The following DLG2 variants were observed in gnomAD, a reference collection of about 807,000 sequenced individuals.
DLG2 encodes disks large homolog 2.
A neutral mutation model predicts 132.5 loss-of-function variants in DLG2; 45 were observed. That is an observed-to-expected ratio of 0.34 (90% CI 0.27 to 0.44). DLG2 has a LOEUF of 0.44. DLG2 is among the 20% of genes least tolerant of loss of function. The probability of loss-of-function intolerance (pLI) is 1.00; values close to 1 mark genes in which losing one functional copy is unlikely to be tolerated. For missense variants in DLG2, 1,045 were observed against 1,196.9 expected, an observed-to-expected ratio of 0.87 and a Z score of 1.87; for synonymous variants, 424 against 419.6, an observed-to-expected ratio of 1.01 and a Z score of -0.13.
At chr11:83,946,320 G>C (rs1371369406) in intron 14 of DLG2, among the ~76,000 whole-genome samples, 1 of 152,124 alleles carries the variant, frequency 6.6e-6, no homozygotes, top group African/African-American at 2.4e-5. Flanking sequence ...TGAGGTCAAA[G>C]ACACAATGAA....
intron 9 of DLG2, among the ~76,000 whole-genome samples, chr11:84,143,194 G>A (rs953126081): frequency 1.3e-5 from 2 of 151,162 alleles, no homozygotes; most frequent in Non-Finnish European, 3.0e-5. Flanking sequence ...TATATAAAAG[G>A]TAGGCACATG....
chr11:85,280,653 A>G (rs966827603), intron 4 of DLG2, among the ~76,000 whole-genome samples: 3 of 151,990 alleles, frequency 2.0e-5, no homozygotes, highest in Non-Finnish European at 4.4e-5. Flanking sequence ...CCATTTTTTT[A>G]CACCAAAAAA....
intron 4 of DLG2, among the ~76,000 whole-genome samples, chr11:85,170,172 A>T (rs924659837): frequency 2.0e-5 from 3 of 152,240 alleles, no homozygotes; most frequent in African/African-American, 7.2e-5. Flanking sequence ...AGCAGTGCAG[A>T]GTTGTGAAGA....
intron 6 of DLG2, among the ~76,000 whole-genome samples, chr11:84,928,982 G>GTGTGTGTA (rs1400906684): frequency 1.9e-3 from 95 of 49,094 alleles, no homozygotes; most frequent in African/African-American, 5.4e-3. Flanking sequence ...GTGTGTGTGT[G>GTGTGTGTA]TATATATATA....
intron 15 of DLG2, among the ~76,000 whole-genome samples, chr11:83,878,142 T>C (rs547509799): frequency 6.6e-6 from 1 of 152,184 alleles, no homozygotes; most frequent in Non-Finnish European, 1.5e-5. Flanking sequence ...ATATCCATAA[T>C]AGCACCCAGG....
chr11:83,757,765 C>T (rs1353076535), intron 18 of DLG2, among the ~76,000 whole-genome samples: 1 of 152,054 alleles, frequency 6.6e-6, no homozygotes, highest in Non-Finnish European at 1.5e-5. Flanking sequence ...ATGCACATTC[C>T]CTTTCCTCAT....
chr11:83,604,483 T>C (rs1335557697), intron 19 of DLG2, among the ~76,000 whole-genome samples: 1 of 152,216 alleles, frequency 6.6e-6, no homozygotes, highest in African/African-American at 2.4e-5. Flanking sequence ...CTGAAACAAG[T>C]GTTTCTGGGA....
intron 8 of DLG2, among the ~76,000 whole-genome samples, chr11:84,212,129 G>A (rs2096764466): frequency 6.6e-6 from 1 of 152,160 alleles, no homozygotes; most frequent in South Asian, 2.1e-4. Context: ...ATGAGCAAAT[G>A]GAATATTCAT....
chr11:84,383,118 G>A lies in DLG2; in HGVS notation c.520-131827C>T, dbSNP rs180712278. 1.9e-3 allele frequency among the ~76,000 whole-genome samples: 291 copies of A among 151,848 alleles called. 3 individuals are homozygous for A. Among genetic ancestry groups the A allele is most frequent in the East Asian group, 7.8e-4 (4 of 5,132 alleles). Reference sequence around the variant, plus strand: ...GCATACTCCTTAATTCACAAAAGAAGGCCCTTTGTGATCTGACCCCGACTT... The same window carrying A: ...GCATACTCCTTAATTCACAAAAGAAAGCCCTTTGTGATCTGACCCCGACTT... On this transcript the variant is annotated intron_variant, in intron 7 of 27. Coordinates refer to ENST00000376104, the MANE Select transcript of DLG2 (RefSeq NM_001142699.3).
intron 18 of DLG2, chr11:83,646,707 A>T (rs1369781432): frequency 6.6e-6 from 1 of 152,192 alleles, no homozygotes; most frequent in Non-Finnish European, 1.5e-5. Flanking sequence ...GCATGAATGA[A>T]TACATCCAGG....
intron 3 of DLG2, chr11:85,469,343 G>A (rs189667908): frequency 1.3e-5 from 2 of 152,288 alleles, no homozygotes; most frequent in East Asian, 3.9e-4. Flanking sequence ...CAGACTTTCT[G>A]CTACAGTATT....
rs1241285762 is a variant in DLG2, at chr11:84,098,942, C to A, written c.730G>T (p.Ala244Ser). 4 of 1,613,316 alleles carry A rather than the reference C, an allele frequency of 2.5e-6. No homozygotes were observed. Among genetic ancestry groups the A allele is most frequent in the Non-Finnish European group, 3.4e-6 (4 of 1,179,734 alleles). Residue 244 changes from alanine (A) to serine (S), a missense_variant, in exon 10 of 28, where the codon GCA (alanine) becomes TCA (serine). By Grantham distance (99) the Ala-to-Ser change is moderately conservative. Coordinates refer to ENST00000376104, the MANE Select transcript of DLG2 (RefSeq NM_001142699.3). Reference protein sequence around the residue: ...ITKIIPGGAAAEDGRLRVNDC... With the variant: ...ITKIIPGGAASEDGRLRVNDC... ...CTTTACCTGAGTCTGCCATCCTCTGCTGCAGCACCTCCTGGTATAATCTTC... is the reference window on the plus strand; with the variant it reads ...CTTTACCTGAGTCTGCCATCCTCTGATGCAGCACCTCCTGGTATAATCTTC...
intron 4 of DLG2, among the ~76,000 whole-genome samples, chr11:85,212,613 A>T (rs2152569776): frequency 6.6e-6 from 1 of 152,280 alleles, no homozygotes; most frequent in African/African-American, 2.4e-5. Flanking sequence ...GGCCTACAAG[A>T]GTAACAAAAA....
chr11:84,819,439 A>G (rs757744889), intron 6 of DLG2, among the ~76,000 whole-genome samples: 1 of 151,864 alleles, frequency 6.6e-6, no homozygotes, highest in Non-Finnish European at 1.5e-5. Flanking sequence ...TTCAAATGTC[A>G]CAGGTGAATA....
intron 6 of DLG2, among the ~76,000 whole-genome samples, chr11:84,686,630 G>GTTTTTTTT (rs60618412): frequency 5.3e-5 from 6 of 113,802 alleles, no homozygotes; most frequent in African/African-American, 1.0e-4. Flanking sequence ...TGGCCTTGAG[G>GTTTTTTTT]TTTTTTTTTT....
chr11:85,063,643 G>T (rs2064443336), intron 6 of DLG2, among the ~76,000 whole-genome samples: 1 of 151,834 alleles, frequency 6.6e-6, no homozygotes, highest in Non-Finnish European at 1.5e-5. Context: ...GTAGAAATGT[G>T]CTGTATTTCC....
intron 2 of DLG2, among the ~76,000 whole-genome samples, chr11:85,606,589 C>A (rs2080563154): frequency 6.6e-6 from 1 of 152,154 alleles, no homozygotes; most frequent in Admixed American, 6.5e-5. Context: ...GGAATAAAAG[C>A]AGGCCACCTG....
intron 10 of DLG2, among the ~76,000 whole-genome samples, chr11:84,088,310 G>C (rs1015249220): frequency 4.0e-5 from 6 of 151,624 alleles, no homozygotes; most frequent in African/African-American, 1.5e-4. Flanking sequence ...TCTACAGTGT[G>C]AGATGGGAGC....
chr11:84,322,285 G>T (rs942584695), intron 7 of DLG2, among the ~76,000 whole-genome samples: 3 of 152,172 alleles, frequency 2.0e-5, no homozygotes, highest in African/African-American at 7.2e-5. Context: ...GGAACATTTA[G>T]TATGGATTAG....
Sources: gnomAD v4.1 joint callset for allele counts (sites outside exome capture counted in the v4.1 genomes callset) on GRCh38, gnomAD v4.1.1 for gene constraint, MANE v1.5 for transcripts, NCBI Gene and HGNC (gene_info 2026-07-23, HGNC 2026-07-21) for gene names.